Variants in KCNT1 observed in about 807,000 individuals in gnomAD.
KCNT1 encodes the protein potassium channel subfamily T member 1.
Under a neutral mutation model 147.8 loss-of-function variants are expected in KCNT1, and 78 were observed. The observed-to-expected ratio is 0.53, with a 90% confidence interval of 0.44 to 0.64. The LOEUF (loss-of-function observed/expected upper bound fraction) is 0.64, where lower values mean the gene tolerates loss of function less well. KCNT1 is among the 30% of genes least tolerant of loss of function. The probability of loss-of-function intolerance (pLI) is 0.00; values close to 1 mark genes in which losing one functional copy is unlikely to be tolerated. For synonymous variants in KCNT1, 867 were observed against 748.8 expected, an observed-to-expected ratio of 1.16 and a Z score of -2.58; for missense variants, 1,419 against 1,750.3, an observed-to-expected ratio of 0.81 and a Z score of 3.38.
intron 16 of KCNT1, 68 bp downstream of exon 16, chr9:135,770,123 C>A: frequency 6.9e-7 from 1 of 1,450,560 alleles, no homozygotes; most frequent in Non-Finnish European, 9.4e-7. Context: ...AACGCAGGGC[C>A]TGCTTGGGGG....
chr9:135,765,998 T>G (rs2131479978), intron 13 of KCNT1, among the ~76,000 whole-genome samples: 1 of 151,060 alleles, frequency 6.6e-6, no homozygotes, highest in Admixed American at 6.6e-5. Flanking sequence ...GGATGGACCA[T>G]TTAGGTGGAC....
chr9:135,707,488 C>T (rs1179367664), intron 1 of KCNT1, among the ~76,000 whole-genome samples: 1 of 152,138 alleles, frequency 6.6e-6, no homozygotes, highest in African/African-American at 2.4e-5. Context: ...GCAGCCACAG[C>T]GTGGCCGGGG....
chr9:135,778,606 C>T, intron 22 of KCNT1, 82 bp from the exon 23 acceptor site: 1 of 1,604,164 alleles, frequency 6.2e-7, no homozygotes, highest in Non-Finnish European at 8.5e-7. Context: ...TGAGGTCCTC[C>T]TGCCTTCTGA....
At position 135,784,021 on chromosome 9, in the gene KCNT1, C is replaced by T. The variant is rs962305759; in HGVS notation, c.2842-3C>T. ...CCCATCTGAGGCCCCTCCTTTCCCA[C>T]AGAGGGAGCGAGAGAATGGCTCCAA... On this transcript the variant is annotated splice_region_variant and splice_polypyrimidine_tract_variant and intron_variant, in intron 24 of 30. Coordinates refer to ENST00000371757, the MANE Select transcript of KCNT1 (RefSeq NM_020822.3). The T allele has an allele frequency of 2.5e-6, 4 of 1,606,048 alleles. No homozygotes were observed. The highest frequency in any genetic ancestry group is 2.7e-5 in the African/African-American group (2 of 74,932).
At chr9:135,771,337 G>A (rs1026363723) in intron 18 of KCNT1, among the ~76,000 whole-genome samples, 31 of 152,236 alleles carry the variant, frequency 2.0e-4, no homozygotes, top group Admixed American at 2.0e-3. Context: ...AGGCCAATGT[G>A]GCCCCCAGAC....
At chr9:135,750,262 G>A (rs1831075494) in intron 3 of KCNT1, 85 bp downstream of exon 3, 1 of 1,135,106 alleles carries the variant, frequency 8.8e-7, no homozygotes, top group Non-Finnish European at 1.3e-6. Context: ...GAAGGCTGGG[G>A]CTGTGAGCTC....
At chr9:135,748,246 T>C (rs904839508) in intron 2 of KCNT1, among the ~76,000 whole-genome samples, 1 of 152,166 alleles carries the variant, frequency 6.6e-6, no homozygotes, top group Non-Finnish European at 1.5e-5. Flanking sequence ...TGGCCCCTTC[T>C]TGAGCTCTGT....
intron 5 of KCNT1, among the ~76,000 whole-genome samples, chr9:135,754,223 A>G (rs983223531): frequency 7.2e-5 from 11 of 152,198 alleles, no homozygotes; most frequent in African/African-American, 2.7e-4. Flanking sequence ...CCTGAGGGAT[A>G]ATGCCCAGCC....
chr9:135,768,430 T>C, intron 13 of KCNT1, 180 bp from the exon 14 acceptor site: 1 of 518,848 alleles, frequency 1.9e-6, no homozygotes, highest in Non-Finnish European at 3.5e-6. Flanking sequence ...CCTCCCGCCT[T>C]CCATCCTCCC....
At chr9:135,773,004 C>CA in intron 19 of KCNT1, 55 bp downstream of exon 19, 1 of 1,274,548 alleles carries the variant, frequency 7.8e-7, no homozygotes. Context: ...CCCATGAGTG[C>CA]GGGGGATGGG....
intron 2 of KCNT1, among the ~76,000 whole-genome samples, chr9:135,735,848 C>T (rs987313664): frequency 2.0e-5 from 3 of 152,224 alleles, no homozygotes; most frequent in Non-Finnish European, 4.4e-5. Context: ...GGCTTCGGGG[C>T]AGCTGGGCCT....
rs1247026062 is a variant in KCNT1, at chr9:135,794,968, G to T, written c.*2807G>T. ...CAAGTGAAGTAGGATCTGAGCAAAGGTTGAGGGACTGAATTCCCTAAGAAG... is the reference window on the plus strand; with the variant it reads ...CAAGTGAAGTAGGATCTGAGCAAAGTTTGAGGGACTGAATTCCCTAAGAAG... On this transcript the variant is annotated 3_prime_UTR_variant, in exon 31 of 31. Coordinates refer to ENST00000371757, the MANE Select transcript of KCNT1 (RefSeq NM_020822.3). 1 of 152,126 alleles carries T rather than the reference G, an allele frequency of 6.6e-6. No individual in the cohort carries two copies. The highest frequency in any genetic ancestry group is 1.5e-5 in the Non-Finnish European group (1 of 68,044). The allele number at this position is 152,126 out of a possible 1,614,324, so 9.4% of individuals were successfully genotyped here.
chr9:135,774,722 C>T (rs1027931040), intron 19 of KCNT1, among the ~76,000 whole-genome samples: 15 of 151,754 alleles, frequency 9.9e-5, no homozygotes, highest in African/African-American at 3.6e-4. Flanking sequence ...CATTTCTGTG[C>T]GCATGTGTTG....
chr9:135,775,778 C>T (rs1005015713), intron 20 of KCNT1, among the ~76,000 whole-genome samples: 1 of 152,220 alleles, frequency 6.6e-6, no homozygotes, highest in African/African-American at 2.4e-5. Context: ...CCCGGCCCGG[C>T]ATGGGTGTCT....
At chr9:135,728,380 T>C (rs929791461) in intron 2 of KCNT1, among the ~76,000 whole-genome samples, 1 of 152,232 alleles carries the variant, frequency 6.6e-6, no homozygotes, top group African/African-American at 2.4e-5. Flanking sequence ...ACCTGGTTTC[T>C]ATGTGGGGCA....
intron 2 of KCNT1, among the ~76,000 whole-genome samples, chr9:135,743,943 G>A (rs578125086): frequency 6.6e-6 from 1 of 152,366 alleles, no homozygotes; most frequent in South Asian, 2.1e-4. Flanking sequence ...CAGAATAGCT[G>A]GCCCCAGGGT....
At position 135,768,618 on chromosome 9, in the gene KCNT1, A is replaced by G. The variant is rs1336529060; in HGVS notation, c.1346A>G (p.Asn449Ser). Residue 449 changes from asparagine (N) to serine (S), a missense_variant, in exon 14 of 31, where the codon AAT becomes AGT. By Grantham distance (46) the Asn-to-Ser change is conservative. This residue lies in a region of KCNT1 where 401 missense variants were observed against 610.6 expected (regional missense o/e 0.66). Transcript: ENST00000371757. ...DQDLMRAKMD[N>S]GEACFILSSR... ...GCCCTGGTGCATTGCAGGATGGACA[A>G]TGGGGAGGCCTGCTTCATCCTCAGC... The G allele has an allele frequency of 1.6e-5, 25 of 1,550,208 alleles. No homozygotes were observed. Among genetic ancestry groups the G allele is most frequent in the Middle Eastern group, 1.7e-4 (1 of 5,998 alleles).
chr9:135,750,005 T>C, intron 2 of KCNT1, 93 bp from the exon 3 acceptor site: 1 of 970,312 alleles, frequency 1.0e-6, no homozygotes, highest in East Asian at 2.5e-5. Context: ...AGTTGGAAAG[T>C]TGGAAGAAGT....
rs759337224 is a variant in KCNT1 at position 135,769,957 on chromosome 9, G to A, written c.1521G>A (p.Val507=). The A allele has an allele frequency of 2.9e-5, 45 of 1,552,116 alleles. No individual in the cohort carries two copies. Among genetic ancestry groups the A allele is most frequent in the Non-Finnish European group, 2.4e-5 (28 of 1,147,988 alleles). The change falls in exon 16 of 31, where the codon GTG becomes GTA. Residue 507 remains valine (V), a synonymous_variant. Transcript: ENST00000371757. The stretch of plus-strand genomic sequence containing the variant: ...CCCCACTGCCCGCAGACCACGTGGT[G>A]TGTGAGGAGGAGTGCAAGTACGCCA... ...KFHVKFADHV[V]CEEECKYAML...
Sources: allele counts gnomAD v4.1 joint callset (sites outside exome capture counted in the v4.1 genomes callset), GRCh38; gene constraint gnomAD v4.1.1; regional missense constraint gnomAD v4.1.1; transcripts MANE v1.5; gene names NCBI Gene and HGNC (gene_info 2026-07-23, HGNC 2026-07-21).